Variants in PPFIA1 observed in about 807,000 individuals in gnomAD.
The protein encoded by PPFIA1 is PPFI scaffold protein A1.
A neutral mutation model predicts 149.9 loss-of-function variants in PPFIA1; 25 were observed. The observed-to-expected ratio is 0.17, with a 90% confidence interval of 0.12 to 0.23. PPFIA1 has a LOEUF of 0.23. Ranked by LOEUF, PPFIA1 falls within the 10% of genes least tolerant of loss-of-function variation. The probability of loss-of-function intolerance (pLI) is 1.00; values close to 1 mark genes in which losing one functional copy is unlikely to be tolerated. For missense variants in PPFIA1, 1,362 were observed against 1,506.5 expected, an observed-to-expected ratio of 0.90 and a Z score of 1.59; for synonymous variants, 549 against 552.8, an observed-to-expected ratio of 0.99 and a Z score of 0.10.
intron 9 of PPFIA1, among the ~76,000 whole-genome samples, chr11:70,332,796 A>T (rs1373611726): frequency 6.6e-6 from 1 of 152,212 alleles, no homozygotes; most frequent in Non-Finnish European, 1.5e-5. Flanking sequence ...GCAGGAGCTG[A>T]GGCCCCTGTC....
Position 70,314,140 on chromosome 11 carries a change from C to T in PPFIA1, c.265-10262C>T, listed in dbSNP as rs116521705. ...GAGCAGCAGACCGGAAATGTGGAACCCCAGGAGCACCAGCATTCTGTGAAT... is the reference window on the plus strand; with the variant it reads ...GAGCAGCAGACCGGAAATGTGGAACTCCAGGAGCACCAGCATTCTGTGAAT... On this transcript the variant is annotated intron_variant, in intron 2 of 27. Coordinates refer to ENST00000253925, the MANE Select transcript of PPFIA1 (RefSeq NM_003626.5). Among the ~76,000 whole-genome samples the T allele has an allele frequency of 6.0e-3, 913 of 152,250 alleles. 10 individuals carry two copies. The highest frequency in any genetic ancestry group is 0.02 in the African/African-American group (825 of 41,532).
chr11:70,348,080 T>C, intron 15 of PPFIA1, 109 bp from the exon 16 acceptor site: 1 of 809,116 alleles, frequency 1.2e-6, no homozygotes, highest in Admixed American at 2.3e-5. Flanking sequence ...AGCAGCTTAT[T>C]ACTGGAGTTT....
rs1405591687 is a variant in PPFIA1, at chr11:70,339,285, C to T, written c.1686C>T (p.Ala562=). ...LRRPQKGRLA[A]LRDEPSKVQT... ...GCCCACAGAAAGGCCGGCTGGCAGC[C>T]CTGCGAGATGAGCCTTCCAAGGCAA... Residue 562 remains alanine (A), a synonymous_variant, in exon 14 of 28, where the codon GCC becomes GCT. Transcript: ENST00000253925. The T allele has an allele frequency of 3.1e-6, 5 of 1,613,914 alleles. No individual in the cohort carries two copies. The highest frequency in any genetic ancestry group is 4.2e-6 in the Non-Finnish European group (5 of 1,179,800).
At position 70,277,208 on chromosome 11, in the gene PPFIA1, G is replaced by A. The variant is rs535574067; in HGVS notation, c.264+4772G>A. On this transcript the variant is annotated intron_variant, in intron 2 of 27. Coordinates refer to ENST00000253925, the MANE Select transcript of PPFIA1 (RefSeq NM_003626.5). ...ATTTATTTTTAAAAATAGAGACAGC[G>A]TCTTGCTGTATTGCCCCAGCTGGTC... Among the ~76,000 whole-genome samples, 36 of 151,414 alleles carry A rather than the reference G, an allele frequency of 2.4e-4. No individual in the cohort carries two copies. In the South Asian group the frequency reaches 5.0e-3, roughly 21 times the overall value.
Position 70,333,453 on chromosome 11 carries a change from G to C in PPFIA1, c.1213-17G>C, listed in dbSNP as rs201456984. On this transcript the variant is annotated splice_polypyrimidine_tract_variant and intron_variant, in intron 9 of 27. Coordinates refer to ENST00000253925, the MANE Select transcript of PPFIA1 (RefSeq NM_003626.5). ...AAGTGTAAGGATGACGTCAGCGTACGCTGTTTCTGCTGACAGGCTGAAGAG... is the reference window on the plus strand; with the variant it reads ...AAGTGTAAGGATGACGTCAGCGTACCCTGTTTCTGCTGACAGGCTGAAGAG... The C allele has an allele frequency of 4.5e-5, 72 of 1,596,298 alleles. No homozygotes were observed. The highest frequency in any genetic ancestry group is 1.7e-4 in the Middle Eastern group (1 of 6,050).
chr11:70,297,733 G>A (rs1236316878), intron 2 of PPFIA1, among the ~76,000 whole-genome samples: 2 of 152,180 alleles, frequency 1.3e-5, no homozygotes, highest in African/African-American at 2.4e-5. Context: ...GGTTAGCCAG[G>A]CCCTGCTAGC....
chr11:70,360,985 TGAG>T (rs773583782), intron 19 of PPFIA1, among the ~76,000 whole-genome samples: 18 of 152,236 alleles, frequency 1.2e-4, no homozygotes, highest in Non-Finnish European at 2.4e-4. Context: ...GGTAAACACT[TGAG>T]AAATAAGATG....
Position 70,331,962 on chromosome 11 carries a change from T to C in PPFIA1, c.1080T>C (p.Thr360=), listed in dbSNP as rs2054695283. ...GATGCTTTGCTCTCATTTTATAGAC[T>C]GAAGATAAAAACCGCCAGTTACAGG... is the stretch of plus-strand genomic sequence containing the variant. ...IANKDSMHRQ[T]EDKNRQLQER... is the part of the protein sequence containing the mutation. The change falls in exon 9 of 28, where the codon ACT becomes ACC. Residue 360 remains threonine, a splice_region_variant and synonymous_variant. Coordinates refer to ENST00000253925, the MANE Select transcript of PPFIA1 (RefSeq NM_003626.5). The C allele has an allele frequency of 1.9e-6, 3 of 1,607,844 alleles. No homozygotes were observed. Among genetic ancestry groups the C allele is most frequent in the African/African-American group, 2.7e-5 (2 of 74,452 alleles).
chr11:70,318,909 G>A (rs2053782304), intron 2 of PPFIA1, among the ~76,000 whole-genome samples: 1 of 152,122 alleles, frequency 6.6e-6, no homozygotes, highest in Admixed American at 6.5e-5. Flanking sequence ...TGAGACTGTT[G>A]GGGGCTTGAT....
intron 2 of PPFIA1, among the ~76,000 whole-genome samples, chr11:70,288,302 T>C (rs560905008): frequency 9.2e-5 from 14 of 152,160 alleles, no homozygotes; most frequent in African/African-American, 3.4e-4. Context: ...GAACTCCTGG[T>C]GTTGTGATCT....
chr11:70,352,442 T>C (rs1423368062), intron 16 of PPFIA1, among the ~76,000 whole-genome samples: 1 of 152,098 alleles, frequency 6.6e-6, no homozygotes, highest in Non-Finnish European at 1.5e-5. Context: ...GTGAAGGAAG[T>C]AGCATGTTGA....
intron 15 of PPFIA1, among the ~76,000 whole-genome samples, chr11:70,347,065 A>G (rs2055746471): frequency 6.6e-6 from 1 of 152,226 alleles, no homozygotes; most frequent in South Asian, 2.1e-4. Flanking sequence ...TTAAACTAAA[A>G]AAAAGAACCA....
At chr11:70,288,847 C>T (rs2051328054) in intron 2 of PPFIA1, among the ~76,000 whole-genome samples, 1 of 152,138 alleles carries the variant, frequency 6.6e-6, no homozygotes, top group Admixed American at 6.6e-5. Context: ...TTGTACTTTT[C>T]CTGCCTCAGA....
intron 14 of PPFIA1, among the ~76,000 whole-genome samples, chr11:70,340,060 C>T (rs551895639): frequency 6.6e-6 from 1 of 151,784 alleles, no homozygotes; most frequent in South Asian, 2.1e-4. Context: ...CCTGTAATCC[C>T]AGTGCTTTGG....
chr11:70,318,108 C>G (rs2053741616), intron 2 of PPFIA1, among the ~76,000 whole-genome samples: 1 of 152,152 alleles, frequency 6.6e-6, no homozygotes, highest in African/African-American at 2.4e-5. Flanking sequence ...CATGCCCATT[C>G]ACCTCCACTG....
chr11:70,360,662 A>G (rs1029083415), intron 19 of PPFIA1, among the ~76,000 whole-genome samples: 3 of 152,260 alleles, frequency 2.0e-5, no homozygotes, highest in Non-Finnish European at 4.4e-5. Context: ...GATTGGCGCC[A>G]TGCAGCGCGC....
Position 70,376,439 on chromosome 11 carries a change from G to GT in PPFIA1, c.3316-90dup. The GT allele has an allele frequency of 5.5e-6, 7 of 1,276,708 alleles. No individual in the cohort carries two copies. In the South Asian group the frequency reaches 8.5e-5, roughly 16 times the overall value. 79.1% of individuals were successfully genotyped at this position (1,276,708 alleles called of 1,614,324 possible). On this transcript the variant is annotated intron_variant, in intron 24 of 27. Coordinates refer to ENST00000253925, the MANE Select transcript of PPFIA1 (RefSeq NM_003626.5). ...ACCAGACCCAGCCAGCAGTGAGGGA[G>GT]TTTAAGTCTTGGTTTAAAAAACAAT...
At chr11:70,343,627 G>A (rs754702098) in intron 14 of PPFIA1, 42 bp from the exon 15 acceptor site, 13 of 1,538,154 alleles carry the variant, frequency 8.5e-6, no homozygotes, top group Non-Finnish European at 1.2e-5. Flanking sequence ...TACAACTAAT[G>A]TTGTTACTTT....
chr11:70,315,824 C>T (rs2053586684), intron 2 of PPFIA1, among the ~76,000 whole-genome samples: 1 of 151,692 alleles, frequency 6.6e-6, no homozygotes, highest in South Asian at 2.1e-4. Context: ...CCAGAACTTC[C>T]TCATCTTCCC....
Sources: allele counts gnomAD v4.1 joint callset (sites outside exome capture counted in the v4.1 genomes callset), GRCh38; gene constraint gnomAD v4.1.1; transcripts MANE v1.5; gene names NCBI Gene and HGNC (gene_info 2026-07-23, HGNC 2026-07-21).